Variants in CACNA2D3 observed in about 807,000 individuals in gnomAD.
CACNA2D3 encodes voltage-dependent calcium channel subunit alpha-2/delta-3.
In CACNA2D3, 60 loss-of-function variants were observed where a neutral mutation model predicts 160.6. That is an observed-to-expected ratio of 0.37 (90% confidence interval 0.30 to 0.46). The LOEUF (loss-of-function observed/expected upper bound fraction) is 0.46. Ranked by LOEUF, CACNA2D3 falls within the 20% of genes least tolerant of loss-of-function variation. CACNA2D3 has a pLI of 1.00. For missense variants in CACNA2D3, 1,205 were observed against 1,365.0 expected (o/e 0.88, Z 1.85); for synonymous variants, 558 against 492.9 (o/e 1.13, Z -1.75).
intron 4 of CACNA2D3, among the ~76,000 whole-genome samples, chr3:54,454,740 T>G (rs1376957646): frequency 6.6e-6 from 1 of 152,104 alleles, no homozygotes; most frequent in Admixed American, 6.6e-5. Context: ...AACCAACCTT[T>G]GGCTATCCAC....
chr3:54,157,838 A>C (rs1254156625), intron 2 of CACNA2D3, among the ~76,000 whole-genome samples: 37 of 38,092 alleles, frequency 9.7e-4, no homozygotes, highest in African/African-American at 4.5e-3. Context: ...AACCAAACAA[A>C]AAAAAAAAAA....
chr3:54,626,584 C>A, intron 9 of CACNA2D3: 1 of 1,555,100 alleles, frequency 6.4e-7, no homozygotes, highest in Non-Finnish European at 8.8e-7. Context: ...CACCTACAAG[C>A]CCATAAAGCA....
At chr3:54,706,203 A>G (rs1700855191) in intron 11 of CACNA2D3, among the ~76,000 whole-genome samples, 1 of 152,190 alleles carries the variant, frequency 6.6e-6, no homozygotes, top group South Asian at 2.1e-4. Flanking sequence ...ACATAAGGAG[A>G]TACCTTCTTG....
At chr3:54,708,928 A>G (rs1249096998) in intron 11 of CACNA2D3, among the ~76,000 whole-genome samples, 1 of 151,394 alleles carries the variant, frequency 6.6e-6, no homozygotes, top group African/African-American at 2.4e-5. Context: ...TAATTCTGGT[A>G]TGATAAGGTG....
chr3:54,615,918 T>C (rs1426149590), intron 9 of CACNA2D3, among the ~76,000 whole-genome samples: 2 of 152,166 alleles, frequency 1.3e-5, no homozygotes, highest in East Asian at 1.9e-4. Flanking sequence ...GCAAACCTTA[T>C]TGTGAACTAT....
In CACNA2D3 at chr3:54,918,707, C is replaced by G. The variant is rs148697071; in HGVS notation, c.2449+18839C>G. Reference sequence around the variant, plus strand: ...TCGCACTCCAAGAGTTCTCGCTCCCCCGCGTTGTGGTTCTCAGGAGGCCTC... The same window carrying G: ...TCGCACTCCAAGAGTTCTCGCTCCCGCGCGTTGTGGTTCTCAGGAGGCCTC... On this transcript the variant is annotated intron_variant, in intron 27 of 37. Transcript: ENST00000474759. The G allele has an allele frequency of 2.2e-4, 352 of 1,614,170 alleles. No individual in the cohort carries two copies. In the African/African-American group the frequency reaches 3.4e-3, roughly 16 times the overall value.
chr3:54,344,434 T>G (rs1021163041), intron 3 of CACNA2D3, among the ~76,000 whole-genome samples: 5 of 152,324 alleles, frequency 3.3e-5, no homozygotes, highest in Admixed American at 6.5e-5. Flanking sequence ...CTTTCTAACA[T>G]GTCCTTGGCA....
At chr3:54,296,659 C>T (rs916391493) in intron 2 of CACNA2D3, among the ~76,000 whole-genome samples, 7 of 152,136 alleles carry the variant, frequency 4.6e-5, no homozygotes, top group Non-Finnish European at 5.9e-5. Flanking sequence ...ATTAGCTTTC[C>T]CTCAAAAATA....
At chr3:54,953,163 C>T (rs1176556803) in intron 27 of CACNA2D3, among the ~76,000 whole-genome samples, 3 of 152,142 alleles carry the variant, frequency 2.0e-5, no homozygotes. Context: ...GTGCCTGGCA[C>T]TGTGCTAGGC....
chr3:54,443,175 G>A (rs1700170431), intron 4 of CACNA2D3, among the ~76,000 whole-genome samples: 1 of 152,166 alleles, frequency 6.6e-6, no homozygotes, highest in Admixed American at 6.5e-5. Context: ...TATTTTATTG[G>A]TGAAAGAGAC....
rs1317451 is a variant in CACNA2D3, at chr3:54,770,873, A to G, written c.1380+6522A>G. On this transcript the variant is annotated intron_variant, in intron 13 of 37. Transcript: ENST00000474759. The stretch of plus-strand genomic sequence containing the variant: ...ATTGTTTCTGTGAATCTGTAAATGA[A>G]TGCTTTGGAAAGACTGTAAAGAAAG... 8.7e-3 allele frequency among the ~76,000 whole-genome samples: 1,325 copies of G among 152,344 alleles called. 18 individuals carry two copies. Among genetic ancestry groups the G allele is most frequent in the African/African-American group, 0.03 (1,251 of 41,568 alleles).
At chr3:54,950,189 C>T (rs1701723546) in intron 27 of CACNA2D3, among the ~76,000 whole-genome samples, 1 of 152,228 alleles carries the variant, frequency 6.6e-6, no homozygotes, top group African/African-American at 2.4e-5. Context: ...AGGTAGCTTT[C>T]TTGTTTTGTT....
intron 13 of CACNA2D3, among the ~76,000 whole-genome samples, chr3:54,807,876 T>C (rs1375324019): frequency 8.7e-5 from 13 of 149,546 alleles, no homozygotes. Context: ...TATGCAGCCA[T>C]AAAAAATGAT....
chr3:54,911,123 T>A (rs1330959291), intron 27 of CACNA2D3, among the ~76,000 whole-genome samples: 1 of 152,162 alleles, frequency 6.6e-6, no homozygotes, highest in African/African-American at 2.4e-5. Flanking sequence ...GCCTACATCT[T>A]TAAAAGATAA....
intron 9 of CACNA2D3, among the ~76,000 whole-genome samples, chr3:54,606,750 C>G (rs920372871): frequency 2.6e-5 from 4 of 152,120 alleles, no homozygotes; most frequent in Admixed American, 2.0e-4. Flanking sequence ...GCACTGGATC[C>G]CTGGGTCATG....
chr3:54,259,984 TCTC>T (rs1559899550), intron 2 of CACNA2D3, among the ~76,000 whole-genome samples: 2 of 152,200 alleles, frequency 1.3e-5, no homozygotes, highest in East Asian at 1.9e-4. Context: ...TCCTCCTCCT[TCTC>T]CTTGGGAATT....
At chr3:54,923,865 T>C (rs1242635722) in intron 27 of CACNA2D3, among the ~76,000 whole-genome samples, 1 of 152,222 alleles carries the variant, frequency 6.6e-6, no homozygotes, top group Non-Finnish European at 1.5e-5. Context: ...AAGGGCCAGA[T>C]AGACAATACA....
chr3:54,781,599 A>G (rs1702537978), intron 13 of CACNA2D3, among the ~76,000 whole-genome samples: 1 of 152,228 alleles, frequency 6.6e-6, no homozygotes, highest in African/African-American at 2.4e-5. Flanking sequence ...TTTAGGAAAT[A>G]CAGCCTAAGT....
At chr3:54,695,628 CA>C (rs990617189) in intron 11 of CACNA2D3, among the ~76,000 whole-genome samples, 39 of 152,260 alleles carry the variant, frequency 2.6e-4, no homozygotes, top group African/African-American at 8.9e-4. Context: ...AAACCTTAGC[CA>C]ACATGATAAC....
Sources: gnomAD v4.1 joint callset for allele counts (sites outside exome capture counted in the v4.1 genomes callset) on GRCh38, gnomAD v4.1.1 for gene constraint, MANE v1.5 for transcripts, NCBI Gene and HGNC (gene_info 2026-07-23, HGNC 2026-07-21) for gene names.